FBN2: variants seen among roughly 807,000 people sequenced by gnomAD.
FBN2 encodes the protein fibrillin 2, also known as fibrillin-2.
A neutral mutation model predicts 355.6 loss-of-function variants in FBN2; 105 were observed. That is an observed-to-expected ratio of 0.30 (90% CI 0.25 to 0.35). FBN2 has a LOEUF of 0.35. Among genes scored for constraint, FBN2 ranks in the 10% least tolerant of loss-of-function variants. The pLI is 1.00. For synonymous variants in FBN2, 1,350 were observed against 1,301.2 expected (o/e 1.04, Z -0.81); for missense variants, 3,280 against 3,758.7 (o/e 0.87, Z 3.33).
At chr5:128,490,750 T>C (rs561487104) in intron 5 of FBN2, among the ~76,000 whole-genome samples, 1 of 152,336 alleles carries the variant, frequency 6.6e-6, no homozygotes, top group African/African-American at 2.4e-5. Context: ...AAATTCTTAA[T>C]GATAAATGCT....
At chr5:128,346,482 T>C (rs934788398) in intron 23 of FBN2, among the ~76,000 whole-genome samples, 1 of 152,256 alleles carries the variant, frequency 6.6e-6, no homozygotes, top group African/African-American at 2.4e-5. Flanking sequence ...ATGAGATCCC[T>C]GATGGAAATG....
chr5:128,339,166 C>A, intron 25 of FBN2, 105 bp from the exon 26 acceptor site: 1 of 1,166,106 alleles, frequency 8.6e-7, no homozygotes, highest in Non-Finnish European at 1.3e-6. Flanking sequence ...TGCTGGCTAA[C>A]AGTACAAGGG....
intron 7 of FBN2, among the ~76,000 whole-genome samples, chr5:128,424,061 T>C (rs1753422310): frequency 6.6e-6 from 1 of 151,812 alleles, no homozygotes. Context: ...ATACGTGGGG[T>C]GGGTGTAGTG....
In FBN2 at chr5:128,312,804, C is replaced by T. The variant is rs774511051; in HGVS notation, c.4718-9G>A. The T allele has an allele frequency of 1.2e-6, 2 of 1,613,372 alleles. No homozygotes were observed. The highest frequency in any genetic ancestry group is 1.1e-5 in the South Asian group (1 of 91,078). On this transcript the variant is annotated splice_polypyrimidine_tract_variant and intron_variant, in intron 36 of 64. Coordinates refer to ENST00000262464, the MANE Select transcript of FBN2 (RefSeq NM_001999.4). ...GTTGCCCACACGGTTGTCTGCAGAGCAACAAAGGAGCTTACAGTTGCCCTT... is the reference window on the plus strand; with the variant it reads ...GTTGCCCACACGGTTGTCTGCAGAGTAACAAAGGAGCTTACAGTTGCCCTT...
intron 20 of FBN2, among the ~76,000 whole-genome samples, chr5:128,355,895 AG>A (rs1428888932): frequency 7.2e-5 from 11 of 152,334 alleles, no homozygotes; most frequent in African/African-American, 2.6e-4. Context: ...GGGGTAAAAA[AG>A]TCTTTGTTCT....
intron 26 of FBN2, 31 bp from the exon 27 acceptor site, chr5:128,338,153 G>A: frequency 6.2e-7 from 1 of 1,610,094 alleles, no homozygotes; most frequent in Non-Finnish European, 8.5e-7. Context: ...ATCCATTAAA[G>A]AACTCTGAGG....
At chr5:128,293,517 C>T (rs1749394235) in intron 48 of FBN2, among the ~76,000 whole-genome samples, 1 of 151,740 alleles carries the variant, frequency 6.6e-6, no homozygotes, top group Non-Finnish European at 1.5e-5. Flanking sequence ...TAAATTAAAA[C>T]CATTTTTTCA....
At chr5:128,272,162 T>C in intron 61 of FBN2, 44 bp from the exon 62 acceptor site, 1 of 1,612,558 alleles carries the variant, frequency 6.2e-7, no homozygotes, top group Middle Eastern at 1.7e-4. Context: ...ACCTTTCTTC[T>C]ACTATTTTTA....
At chr5:128,391,903 G>T in intron 11 of FBN2, 115 bp downstream of exon 11, 1 of 915,866 alleles carries the variant, frequency 1.1e-6, no homozygotes, top group Non-Finnish European at 1.7e-6. Flanking sequence ...GAGACAGTTT[G>T]GAAATTAGCT....
rs778988322 is a variant in FBN2, at chr5:128,519,275, C to G, written c.626G>C (p.Arg209Thr). The change falls in exon 5 of 65, where the codon AGA (arginine) becomes ACA (threonine). Residue 209 changes from arginine (R) to threonine (T), a missense_variant and splice_region_variant. Transcript: ENST00000262464. Reference protein sequence around the residue: ...VYGFTGPQCERDYRTGPCFTQ... With the variant: ...VYGFTGPQCETDYRTGPCFTQ... ...TAAAGTCTCATTTCTCTTCTTACCTCTTTCACACTGTGGACCAGTGAACCC... is the reference window on the plus strand; with the variant it reads ...TAAAGTCTCATTTCTCTTCTTACCTGTTTCACACTGTGGACCAGTGAACCC... 4.4e-6 allele frequency: 7 copies of G among 1,608,924 alleles called. No homozygotes were observed. The South Asian group carries it at 7.7e-5, about 18-fold the overall frequency.
In FBN2 at chr5:128,305,644, A is replaced by G. The variant is rs1339062362; in HGVS notation, c.5549-8T>C. The G allele has an allele frequency of 2.5e-6, 4 of 1,613,840 alleles. No individual in the cohort carries two copies. Among genetic ancestry groups the G allele is most frequent in the African/African-American group, 2.7e-5 (2 of 74,926 alleles). The stretch of plus-strand genomic sequence containing the variant: ...TGCTGCACTCATCTATATCTGAAAG[A>G]GCAACAATTCCATTTTAAAGAGTCC... On this transcript the variant is annotated splice_polypyrimidine_tract_variant and splice_region_variant and intron_variant, in intron 43 of 64. Coordinates refer to ENST00000262464, the MANE Select transcript of FBN2 (RefSeq NM_001999.4).
At chr5:128,333,115 A>T in intron 31 of FBN2, 81 bp from the exon 32 acceptor site, 2 of 1,297,466 alleles carry the variant, frequency 1.5e-6, no homozygotes, top group Non-Finnish European at 2.2e-6. Flanking sequence ...TGTATAGGTA[A>T]CATTTTAAAG....
intron 9 of FBN2, 25 bp from the exon 10 acceptor site, chr5:128,393,393 A>C (rs765949853): frequency 6.3e-7 from 1 of 1,594,420 alleles, no homozygotes; most frequent in South Asian, 1.1e-5. Flanking sequence ...AGTTGGCATT[A>C]AGCACAGGTG....
chr5:128,403,743 T>TA (rs988039878), intron 8 of FBN2, among the ~76,000 whole-genome samples: 1 of 152,074 alleles, frequency 6.6e-6, no homozygotes, highest in African/African-American at 2.4e-5. Context: ...TGCTCTATGC[T>TA]AAAAAACAGT....
chr5:128,317,118 C>G (rs1371150116), intron 36 of FBN2, among the ~76,000 whole-genome samples: 1 of 152,134 alleles, frequency 6.6e-6, no homozygotes, highest in African/African-American at 2.4e-5. Flanking sequence ...GGAGGCTTCC[C>G]TCAGTGGTCC....
chr5:128,520,368 T>C (rs144066004), intron 4 of FBN2, among the ~76,000 whole-genome samples: 2 of 152,286 alleles, frequency 1.3e-5, no homozygotes, highest in East Asian at 3.9e-4. Context: ...TGAAAGTGTG[T>C]CTCCCTATCT....
intron 5 of FBN2, among the ~76,000 whole-genome samples, chr5:128,482,294 C>T (rs1423031131): frequency 6.6e-6 from 1 of 151,832 alleles, no homozygotes; most frequent in Non-Finnish European, 1.5e-5. Context: ...GAAATTTCCC[C>T]CGCCCAGCAA....
At chr5:128,349,621 C>T (rs1301206916) in intron 22 of FBN2, 149 bp from the exon 23 acceptor site, 6 of 1,025,226 alleles carry the variant, frequency 5.9e-6, no homozygotes, top group Non-Finnish European at 8.8e-6. Flanking sequence ...ACAACCGAGC[C>T]ACCCGCTTTC....
chr5:128,456,024 G>T (rs556123635), intron 6 of FBN2, among the ~76,000 whole-genome samples: 1 of 36,672 alleles, frequency 2.7e-5, no homozygotes, highest in South Asian at 9.7e-4. Flanking sequence ...AAAAAAAAAA[G>T]CAACTGCTGA....
Sources: gnomAD v4.1 joint callset for allele counts (sites outside exome capture counted in the v4.1 genomes callset) on GRCh38, gnomAD v4.1.1 for gene constraint, MANE v1.5 for transcripts, NCBI Gene and HGNC (gene_info 2026-07-23, HGNC 2026-07-21) for gene names.